The following VGLL4 variants were observed in gnomAD, a reference collection of about 807,000 sequenced individuals.
VGLL4 encodes vestigial like family member 4.
Under a neutral mutation model 21.0 loss-of-function variants are expected in VGLL4, and 7 were observed. That is an observed-to-expected ratio of 0.33 (90% confidence interval 0.19 to 0.63). The LOEUF is 0.63. Among genes scored for constraint, VGLL4 ranks in the 20% least tolerant of loss-of-function variants. VGLL4 has a pLI of 0.78. For missense variants in VGLL4, 394 were observed against 425.7 expected (o/e 0.93, Z 0.66); for synonymous variants, 222 against 173.2 (o/e 1.28, Z -2.21).
intron 1 of VGLL4, among the ~76,000 whole-genome samples, chr3:11,606,930 G>A (rs1393744271): frequency 8.5e-5 from 13 of 152,092 alleles, no homozygotes; most frequent in African/African-American, 2.2e-4. Flanking sequence ...AACACTCACC[G>A]CGAAGGTCCC....
At chr3:11,602,935 T>A (rs904583796) in intron 1 of VGLL4, among the ~76,000 whole-genome samples, 2 of 152,196 alleles carry the variant, frequency 1.3e-5, no homozygotes, top group African/African-American at 4.8e-5. Flanking sequence ...GCACCTAAAT[T>A]TTTCACAAAT....
chr3:11,558,901 C>T, intron 4 of VGLL4, 74 bp from the exon 5 acceptor site: 1 of 1,539,042 alleles, frequency 6.5e-7, no homozygotes, highest in Non-Finnish European at 8.8e-7. Flanking sequence ...CAGCACCCTC[C>T]CTCAGGCAGC....
chr3:11,642,982 C>G (rs1430122799), intron 1 of VGLL4, among the ~76,000 whole-genome samples: 2 of 152,138 alleles, frequency 1.3e-5, no homozygotes, highest in Non-Finnish European at 2.9e-5. Context: ...AGCACAAAAA[C>G]TCGCTGTAAC....
intron 2 of VGLL4, among the ~76,000 whole-genome samples, chr3:11,696,400 G>T (rs746202691): frequency 1.3e-5 from 2 of 152,196 alleles, no homozygotes; most frequent in Non-Finnish European, 2.9e-5. Context: ...GGGCATGCCT[G>T]CCCCTTTGCT....
intron 2 of VGLL4, among the ~76,000 whole-genome samples, chr3:11,662,639 G>A (rs1475921498): frequency 6.6e-6 from 1 of 152,210 alleles, no homozygotes; most frequent in East Asian, 1.9e-4. Context: ...CTAACTAGGA[G>A]TGCCATGTAA....
chr3:11,652,810 G>A (rs1326961621), intron 2 of VGLL4, among the ~76,000 whole-genome samples: 1 of 152,142 alleles, frequency 6.6e-6, no homozygotes, highest in Non-Finnish European at 1.5e-5. Context: ...ACTTTAACTT[G>A]TTAGTTTTAC....
chr3:11,568,597 T>C lies in VGLL4; in HGVS notation c.273-3578A>G. ...TGGTTAATTTTAGTAAAATTATACATTACTCACATTTCCAGCTCATTTTCC... is the reference window on the plus strand; with the variant it reads ...TGGTTAATTTTAGTAAAATTATACACTACTCACATTTCCAGCTCATTTTCC... On this transcript the variant is annotated intron_variant, in intron 2 of 4. Coordinates refer to ENST00000430365, the MANE Select transcript of VGLL4 (RefSeq NM_001128219.3). The surrounding 1 kb of genome is among the most constrained non-coding windows in gnomAD (Gnocchi z 5.9). The C allele has an allele frequency of 1.3e-6, 2 of 1,565,120 alleles. No individual in the cohort carries two copies. The highest frequency in any genetic ancestry group is 1.7e-6 in the Non-Finnish European group (2 of 1,153,364).
At position 11,653,022 on chromosome 3, in the gene VGLL4, G is replaced by C. The variant is rs970393046; in HGVS notation, c.64+49949C>G. ...AGATGTATTCCTGCAAGATTGACTA[G>C]AACTGACTTCCATGGTAAAAATAGA... On this transcript the variant is annotated intron_variant, in intron 2 of 5. Transcript: ENST00000273038. The surrounding 1 kb of genome is among the most constrained non-coding windows in gnomAD (Gnocchi z 4.2). Among the ~76,000 whole-genome samples, 4 of 152,158 alleles carry C rather than the reference G, an allele frequency of 2.6e-5. No individual in the cohort carries two copies. Among genetic ancestry groups the C allele is most frequent in the African/African-American group, 9.7e-5 (4 of 41,424 alleles).
At chr3:11,573,597 G>A (rs1045272866) in intron 2 of VGLL4, among the ~76,000 whole-genome samples, 5 of 152,284 alleles carry the variant, frequency 3.3e-5, no homozygotes, top group East Asian at 1.9e-4. Flanking sequence ...GTGTATCCTC[G>A]GTGACATCTG....
At chr3:11,691,614 C>T (rs545657557) in intron 2 of VGLL4, among the ~76,000 whole-genome samples, 6 of 152,252 alleles carry the variant, frequency 3.9e-5, no homozygotes, top group South Asian at 4.1e-4. Flanking sequence ...ACAGGAGTTA[C>T]GGGCCTTCCG....
At position 11,671,226 on chromosome 3, in the gene VGLL4, A is replaced by G. The variant is rs144575620; in HGVS notation, c.64+31745T>C. 1.4e-4 allele frequency: 224 copies of G among 1,561,388 alleles called. 1 individual carries two copies. The Middle Eastern group carries it at 1.5e-3, about 11-fold the overall frequency. On this transcript the variant is annotated intron_variant, in intron 2 of 5. Coordinates refer to the VGLL4 transcript ENST00000273038. Reference sequence around the variant, plus strand: ...AATTAATTTCAATTAAGAAATGTCAATTAAGAAAATGTGAAAATCAAAAGA... The same window carrying G: ...AATTAATTTCAATTAAGAAATGTCAGTTAAGAAAATGTGAAAATCAAAAGA...
rs947669222 is a variant in VGLL4 at position 11,557,109 on chromosome 3, G to A, written c.*1447C>T. ...GTCGTGAGCCTCTGGTGGGCCAGGT[G>A]GGACACAGCACACCCCAGGGGGAGG... is the stretch of plus-strand genomic sequence containing the variant. On this transcript the variant is annotated 3_prime_UTR_variant, in exon 5 of 5. Transcript: ENST00000430365. 2 of 152,486 alleles carry A rather than the reference G, an allele frequency of 1.3e-5. No individual in the cohort carries two copies. The highest frequency in any genetic ancestry group is 4.8e-5 in the African/African-American group (2 of 41,430). 9.4% of individuals were successfully genotyped at this position (152,486 alleles called of 1,614,324 possible).
chr3:11,630,540 G>T (rs1047447159), intron 1 of VGLL4, among the ~76,000 whole-genome samples: 1 of 152,148 alleles, frequency 6.6e-6, no homozygotes, highest in Admixed American at 6.5e-5. Context: ...CAGCTACTGG[G>T]GAGGGTGAGA....
At chr3:11,582,507 A>G (rs2074256433) in intron 2 of VGLL4, 1 of 715,980 alleles carries the variant, frequency 1.4e-6, no homozygotes, top group African/African-American at 1.8e-5. Flanking sequence ...GTAGGTCAGG[A>G]ACTCCTGGGA....
chr3:11,603,013 A>G (rs2074845130), intron 1 of VGLL4, among the ~76,000 whole-genome samples: 1 of 152,228 alleles, frequency 6.6e-6, no homozygotes, highest in Non-Finnish European at 1.5e-5. Flanking sequence ...CCATTTGGTC[A>G]CAATTTGAGA....
chr3:11,637,464 A>C (rs1294728925), intron 1 of VGLL4, among the ~76,000 whole-genome samples: 4 of 152,234 alleles, frequency 2.6e-5, no homozygotes, highest in Non-Finnish European at 5.9e-5. Context: ...CAAACAAAAG[A>C]GTGAAATATT....
intron 2 of VGLL4, among the ~76,000 whole-genome samples, chr3:11,581,419 A>C (rs940493983): frequency 2.6e-5 from 4 of 152,114 alleles, no homozygotes; most frequent in Non-Finnish European, 4.4e-5. Context: ...GATGAAACTA[A>C]AACCCGGAGG....
chr3:11,591,829 CG>C (rs1559885036), intron 2 of VGLL4, among the ~76,000 whole-genome samples: 1 of 152,124 alleles, frequency 6.6e-6, no homozygotes, highest in African/African-American at 2.4e-5. Context: ...TCCTCGGTGA[CG>C]ATCCTCCCTA....
At chr3:11,697,277 T>G (rs1036521154) in intron 2 of VGLL4, among the ~76,000 whole-genome samples, 21 of 151,598 alleles carry the variant, frequency 1.4e-4, no homozygotes, top group Non-Finnish European at 2.5e-4. Flanking sequence ...ATTGTGGTTT[T>G]TTTTTTTTTT....
Sources: allele counts gnomAD v4.1 joint callset (sites outside exome capture counted in the v4.1 genomes callset), GRCh38; gene constraint gnomAD v4.1.1; non-coding constraint Gnocchi (gnomAD v3.1); transcripts MANE v1.5; gene names NCBI Gene and HGNC (gene_info 2026-07-23, HGNC 2026-07-21).